Variants in RARB observed in about 807,000 individuals in gnomAD.
RARB encodes the protein retinoic acid receptor beta, also known as HBV-activated protein.
RARB carries 17 observed loss-of-function variants against 51.9 expected under a neutral mutation model. The ratio of observed to expected loss-of-function variants is 0.33; its 90% CI spans 0.22 to 0.49. The LOEUF is 0.49. Ranked by LOEUF, RARB falls within the 20% of genes least tolerant of loss-of-function variation. RARB has a pLI of 0.99. For missense variants in RARB, 369 were observed against 550.8 expected (o/e 0.67, Z 3.30); for synonymous variants, 215 against 195.4 (o/e 1.10, Z -0.84).
At chr3:25,462,729 C>T (rs907738496) in intron 2 of RARB, among the ~76,000 whole-genome samples, 2 of 152,200 alleles carry the variant, frequency 1.3e-5, no homozygotes, top group Admixed American at 1.3e-4. Flanking sequence ...TATCTCTGGG[C>T]AGTTGTAGGT....
At chr3:25,563,423 T>C (rs954981906) in intron 3 of RARB, among the ~76,000 whole-genome samples, 2 of 152,192 alleles carry the variant, frequency 1.3e-5, no homozygotes, top group Non-Finnish European at 2.9e-5. Context: ...TGTATATTTG[T>C]TCCAATTTCA....
chr3:25,366,807 T>C (rs1431863798), intron 5 of RARB, among the ~76,000 whole-genome samples: 2 of 152,222 alleles, frequency 1.3e-5, no homozygotes, highest in Non-Finnish European at 1.5e-5. Context: ...GAGCATTTCC[T>C]AAATATTATC....
intron 3 of RARB, among the ~76,000 whole-genome samples, chr3:25,093,347 A>G (rs866741561): frequency 1.3e-5 from 2 of 152,186 alleles, no homozygotes; most frequent in South Asian, 2.1e-4. Flanking sequence ...CAAAAACTAT[A>G]ACAGTGAGAA....
chr3:25,543,675 G>A (rs1286769), intron 3 of RARB, among the ~76,000 whole-genome samples: 89,636 of 152,008 alleles, frequency 0.59, 28,967 homozygotes, highest in African/African-American at 0.86. Context: ...GTTCCTTGGA[G>A]TGATAGATTG....
chr3:24,977,080 G>A (rs1043708325), intron 2 of RARB, among the ~76,000 whole-genome samples: 4 of 152,070 alleles, frequency 2.6e-5, no homozygotes, highest in Admixed American at 6.6e-5. Flanking sequence ...TAGATGTATG[G>A]TGTTATTTTT....
At chr3:25,366,941 A>T (rs1193552233) in intron 5 of RARB, among the ~76,000 whole-genome samples, 3 of 151,976 alleles carry the variant, frequency 2.0e-5, no homozygotes. Context: ...CAGAATCCTC[A>T]GGATTGTAGC....
At chr3:24,932,295 C>T (rs919098702) in intron 2 of RARB, among the ~76,000 whole-genome samples, 3 of 151,914 alleles carry the variant, frequency 2.0e-5, no homozygotes, top group Non-Finnish European at 4.4e-5. Flanking sequence ...TGGACCAGGC[C>T]CCTCTCCTGC....
At chr3:24,978,129 G>T (rs1485644494) in intron 2 of RARB, among the ~76,000 whole-genome samples, 1 of 152,120 alleles carries the variant, frequency 6.6e-6, no homozygotes, top group Non-Finnish European at 1.5e-5. Context: ...TAAACTTTTT[G>T]ATGTGCTGCT....
At chr3:25,562,692 G>A (rs1489540338) in intron 3 of RARB, among the ~76,000 whole-genome samples, 2 of 152,188 alleles carry the variant, frequency 1.3e-5, no homozygotes, top group Non-Finnish European at 2.9e-5. Flanking sequence ...CAAAGAAAAG[G>A]ATTTTTCATC....
At chr3:25,108,757 G>A (rs750221236) in intron 3 of RARB, among the ~76,000 whole-genome samples, 14 of 152,046 alleles carry the variant, frequency 9.2e-5, no homozygotes, top group Non-Finnish European at 1.0e-4. Context: ...ATTGTACCAC[G>A]TTTTAAAATT....
At chr3:25,161,413 G>C (rs552954972) in intron 4 of RARB, among the ~76,000 whole-genome samples, 2 of 152,144 alleles carry the variant, frequency 1.3e-5, no homozygotes, top group South Asian at 4.2e-4. Flanking sequence ...ATGTTCTCAG[G>C]TTCTGGGAAT....
In RARB at chr3:25,428,452, C is replaced by G; in HGVS notation, c.-280C>G. 1.6e-6 allele frequency: 2 copies of G among 1,264,128 alleles called. No individual in the cohort carries two copies. The highest frequency in any genetic ancestry group is 6.0e-5 in the East Asian group (2 of 33,186). 78.3% of individuals were successfully genotyped at this position (1,264,128 alleles called of 1,614,324 possible). On this transcript the variant is annotated 5_prime_UTR_variant, in exon 1 of 8. Coordinates refer to ENST00000330688, the MANE Select transcript of RARB (RefSeq NM_000965.5). ...ACGCATTCGGAAGGCTTTTTGCAAG[C>G]ATTTACTTGGAAGGAGAACTTGGGA...
chr3:25,115,999 G>C (rs1007676759), intron 3 of RARB, among the ~76,000 whole-genome samples: 8 of 152,104 alleles, frequency 5.3e-5, no homozygotes, highest in African/African-American at 1.9e-4. Context: ...CTCTCCCACA[G>C]ATAATTTCAA....
At chr3:24,894,518 T>C (rs899815200) in intron 2 of RARB, among the ~76,000 whole-genome samples, 1 of 152,162 alleles carries the variant, frequency 6.6e-6, no homozygotes, top group African/African-American at 2.4e-5. Flanking sequence ...TCCACTGTTG[T>C]TGGGTACTGA....
intron 5 of RARB, among the ~76,000 whole-genome samples, chr3:25,180,073 C>T (rs1700831903): frequency 6.6e-6 from 1 of 152,068 alleles, no homozygotes; most frequent in African/African-American, 2.4e-5. Context: ...CTACAATGCC[C>T]AAAGGAGTGT....
At chr3:25,160,061 C>T (rs1279173498) in intron 4 of RARB, among the ~76,000 whole-genome samples, 1 of 152,188 alleles carries the variant, frequency 6.6e-6, no homozygotes, top group Non-Finnish European at 1.5e-5. Flanking sequence ...GTTTCAGCTT[C>T]TCTCTATAAA....
In RARB at chr3:24,834,337, G is replaced by GT. The variant is rs201329155; in HGVS notation, c.-459+4941dup. ...AAATAATCATAATCTTGAATAGCCT[G>GT]TTTTTTTCTCTTGGCCAGCACAGTA... On this transcript the variant is annotated intron_variant, in intron 1 of 11. Transcript: ENST00000383772. 9.6e-3 allele frequency among the ~76,000 whole-genome samples: 1,466 copies of GT among 152,200 alleles called. 13 individuals are homozygous for GT. The highest frequency in any genetic ancestry group is 0.041 in the Middle Eastern group (12 of 294).
At chr3:25,101,985 T>A (rs1447655344) in intron 3 of RARB, among the ~76,000 whole-genome samples, 1 of 152,190 alleles carries the variant, frequency 6.6e-6, no homozygotes. Context: ...GAGAATGATG[T>A]CTGTTGTAAG....
At position 25,560,814 on chromosome 3, in the gene RARB, A is replaced by T. The variant is rs575347457; in HGVS notation, c.449-8944A>T. 5.3e-5 allele frequency among the ~76,000 whole-genome samples: 8 copies of T among 152,300 alleles called. 1 individual carries two copies. The South Asian group carries it at 1.7e-3, about 32-fold the overall frequency. ...TAAATCCTTATATTCTATATTATAT[A>T]TCATGTGCATTTCATTTATTGAAGG... On this transcript the variant is annotated intron_variant, in intron 3 of 7. Transcript: ENST00000330688.
Sources: gnomAD v4.1 joint callset for allele counts (sites outside exome capture counted in the v4.1 genomes callset) on GRCh38, gnomAD v4.1.1 for gene constraint, MANE v1.5 for transcripts, NCBI Gene and HGNC (gene_info 2026-07-23, HGNC 2026-07-21) for gene names.